The following CLSTN2 variants were observed in gnomAD, a reference collection of about 807,000 sequenced individuals.
CLSTN2 encodes calsyntenin-2.
CLSTN2 carries 48 observed loss-of-function variants against 101.2 expected under a neutral mutation model. The observed-to-expected ratio is 0.47, with a 90% CI of 0.38 to 0.60. The LOEUF (loss-of-function observed/expected upper bound fraction) is 0.60. CLSTN2 is among the 20% of genes least tolerant of loss of function. The probability of loss-of-function intolerance (pLI) is 0.00; values close to 1 mark genes in which losing one functional copy is unlikely to be tolerated. For synonymous variants in CLSTN2, 481 were observed against 463.6 expected (o/e 1.04, Z -0.48); for missense variants, 1,160 against 1,238.2 (o/e 0.94, Z 0.95).
chr3:140,288,444 C>A (rs184882559), intron 2 of CLSTN2, among the ~76,000 whole-genome samples: 3 of 152,120 alleles, frequency 2.0e-5, no homozygotes, highest in Admixed American at 2.0e-4. Context: ...GATTCTATTG[C>A]AATCACTAAA....
chr3:140,255,698 CA>C (rs1320643504), intron 2 of CLSTN2, among the ~76,000 whole-genome samples: 1 of 152,120 alleles, frequency 6.6e-6, no homozygotes, highest in African/African-American at 2.4e-5. Flanking sequence ...ACCAAACCCC[CA>C]TGACCATGAC....
chr3:140,140,511 A>G (rs1168786005), intron 1 of CLSTN2, among the ~76,000 whole-genome samples: 2 of 152,176 alleles, frequency 1.3e-5, no homozygotes, highest in African/African-American at 4.8e-5. Flanking sequence ...GAACCCCTGC[A>G]TGAGACAGCC....
intron 2 of CLSTN2, among the ~76,000 whole-genome samples, chr3:140,380,616 C>T (rs6773289): frequency 0.91 from 137,985 of 152,208 alleles, 64,104 homozygotes; most frequent in East Asian, 1. Flanking sequence ...ACCTTTCTTA[C>T]TGATCCTATT....
rs1985747480 is a variant in CLSTN2 at position 140,576,888 on chromosome 3, C to G, written c.*10635C>G. Reference sequence around the variant, plus strand: ...TATTGTGTATGAGTGTGAAACAATGCAGACTTTGGAGTATCTCATTAGAAG... The same window carrying G: ...TATTGTGTATGAGTGTGAAACAATGGAGACTTTGGAGTATCTCATTAGAAG... On this transcript the variant is annotated 3_prime_UTR_variant, in exon 17 of 17. Transcript: ENST00000458420. 6.6e-6 allele frequency: 1 copy of G among 152,176 alleles called. No homozygotes were observed. The highest frequency in any genetic ancestry group is 2.4e-5 in the African/African-American group (1 of 41,428). The allele number at this position is 152,176 out of a possible 1,614,324, so 9.4% of individuals were successfully genotyped here.
chr3:140,509,494 A>T (rs1265716853), intron 8 of CLSTN2, among the ~76,000 whole-genome samples: 1 of 152,230 alleles, frequency 6.6e-6, no homozygotes, highest in Non-Finnish European at 1.5e-5. Flanking sequence ...CATCCTGCTG[A>T]AAGAAGCCTG....
intron 2 of CLSTN2, among the ~76,000 whole-genome samples, chr3:140,345,000 G>C (rs1016697563): frequency 6.6e-6 from 1 of 152,262 alleles, no homozygotes; most frequent in Admixed American, 6.5e-5. Context: ...AGCCGTCTGG[G>C]CACATCTGAG....
chr3:140,461,385 T>C (rs1933559251), intron 7 of CLSTN2: 3 of 152,350 alleles, frequency 2.0e-5, no homozygotes, highest in Admixed American at 2.0e-4. Context: ...AGCCTAAGAA[T>C]GTGCAGACAA....
At chr3:140,291,232 G>A (rs2107903464) in intron 2 of CLSTN2, among the ~76,000 whole-genome samples, 1 of 152,096 alleles carries the variant, frequency 6.6e-6, no homozygotes, top group Non-Finnish European at 1.5e-5. Context: ...ATATGTTAGT[G>A]CTTATTACTC....
chr3:140,087,847 AGTTT>A, intron 1 of CLSTN2, among the ~76,000 whole-genome samples: 1 of 152,220 alleles, frequency 6.6e-6, no homozygotes, highest in South Asian at 2.1e-4. Flanking sequence ...AGAGGTGAGG[AGTTT>A]GGGGCAAAGA....
intron 1 of CLSTN2, among the ~76,000 whole-genome samples, chr3:139,947,377 G>T (rs924948332): frequency 6.6e-5 from 10 of 152,174 alleles, no homozygotes; most frequent in Non-Finnish European, 1.0e-4. Flanking sequence ...GCTGCAAATT[G>T]CCCTAGCTTC....
At chr3:140,120,423 T>A (rs1250080038) in intron 1 of CLSTN2, among the ~76,000 whole-genome samples, 1 of 152,214 alleles carries the variant, frequency 6.6e-6, no homozygotes. Flanking sequence ...GGAACCTCGA[T>A]GAGTTCAGCT....
intron 8 of CLSTN2, among the ~76,000 whole-genome samples, chr3:140,520,004 G>A (rs535671460): frequency 6.6e-6 from 1 of 152,284 alleles, no homozygotes; most frequent in South Asian, 2.1e-4. Context: ...CTGGCCTGAT[G>A]GTGACAAATT....
chr3:140,477,880 G>A (rs1934021701), intron 8 of CLSTN2, among the ~76,000 whole-genome samples: 1 of 152,170 alleles, frequency 6.6e-6, no homozygotes, highest in South Asian at 2.1e-4. Context: ...ATGTCTACAT[G>A]GTTCAGAAGA....
chr3:140,065,821 A>G (rs1057259196), intron 1 of CLSTN2, among the ~76,000 whole-genome samples: 3 of 152,244 alleles, frequency 2.0e-5, no homozygotes, highest in Admixed American at 2.0e-4. Flanking sequence ...TCCAATAAGT[A>G]GTAAAATTCT....
At chr3:139,983,973 C>A (rs970050189) in intron 1 of CLSTN2, among the ~76,000 whole-genome samples, 2 of 152,216 alleles carry the variant, frequency 1.3e-5, no homozygotes, top group African/African-American at 4.8e-5. Flanking sequence ...AAATGTTCTT[C>A]ATTCCTTACA....
At chr3:140,337,601 G>C in intron 2 of CLSTN2, among the ~76,000 whole-genome samples, 1 of 152,196 alleles carries the variant, frequency 6.6e-6, no homozygotes, top group East Asian at 1.9e-4. Context: ...CAGTTAAGAT[G>C]CTGCCTTCAT....
At chr3:140,352,579 T>C (rs1424754341) in intron 2 of CLSTN2, among the ~76,000 whole-genome samples, 4 of 152,188 alleles carry the variant, frequency 2.6e-5, no homozygotes, top group Admixed American at 2.6e-4. Flanking sequence ...GCAAATACAT[T>C]TGCATTCCGA....
chr3:139,999,137 G>A (rs567466213), intron 1 of CLSTN2, among the ~76,000 whole-genome samples: 3 of 152,302 alleles, frequency 2.0e-5, no homozygotes, highest in East Asian at 3.9e-4. Flanking sequence ...GCGGTCTGTG[G>A]TGATGGCCCC....
chr3:140,424,853 A>C (rs1006005741), intron 5 of CLSTN2, among the ~76,000 whole-genome samples: 1 of 152,104 alleles, frequency 6.6e-6, no homozygotes, highest in Non-Finnish European at 1.5e-5. Flanking sequence ...AGAGATGTGG[A>C]AAGCAAGATT....
Sources: gnomAD v4.1 joint callset for allele counts (sites outside exome capture counted in the v4.1 genomes callset) on GRCh38, gnomAD v4.1.1 for gene constraint, MANE v1.5 for transcripts, NCBI Gene and HGNC (gene_info 2026-07-23, HGNC 2026-07-21) for gene names.